Variants in NTF4 observed in about 807,000 individuals in gnomAD.
NTF4 encodes neurotrophin-4.
Under a neutral mutation model 4.4 loss-of-function variants are expected in NTF4, and 2 were observed. The observed-to-expected ratio is 0.46, with a 90% confidence interval of 0.19 to 1.44. The LOEUF is 1.44. Ranked by LOEUF, NTF4 falls within the 40% of genes most tolerant of loss-of-function variation. The probability of loss-of-function intolerance (pLI) is 0.26; values close to 1 mark genes in which losing one functional copy is unlikely to be tolerated. For synonymous variants in NTF4, 127 were observed against 122.0 expected (o/e 1.04, Z -0.27); for missense variants, 260 against 293.0 (o/e 0.89, Z 0.82).
At position 49,061,106 on chromosome 19, in the gene NTF4, G is replaced by T; in HGVS notation, c.*259C>A. On this transcript the variant is annotated 3_prime_UTR_variant, in exon 1 of 1. Coordinates refer to ENST00000593537, the Ensembl canonical transcript of NTF4. The surrounding 1 kb of genome is among the most constrained non-coding windows in gnomAD (Gnocchi z 4.9). ...CTGAGGAGTTATGTATTAGGGATAA[G>T]AAACAGTAAACACTCAGTAAATAGT... The T allele has an allele frequency of 1.7e-6, 1 of 598,854 alleles. No individual in the cohort carries two copies. The highest frequency in any genetic ancestry group is 3.1e-5 in the East Asian group (1 of 32,184). The allele number at this position is 598,854 out of a possible 1,614,324, so 37.1% of individuals were successfully genotyped here.
At chr19:49,059,195 G>C (rs1054095392), downstream of NTF4, among the ~76,000 whole-genome samples, 1 of 152,138 alleles carries the variant, frequency 6.6e-6, no homozygotes, top group Non-Finnish European at 1.5e-5. Context: ...GCCCACCTCG[G>C]GGTAACGATT....
chr19:49,058,608 C>T, downstream of NTF4: 1 of 429,380 alleles, frequency 2.3e-6, no homozygotes, highest in South Asian at 5.7e-5. Flanking sequence ...TAGGGTCTGC[C>T]CACCTGCACC....
In NTF4 at chr19:49,061,850, T is replaced by G. The variant is rs1392036041; in HGVS notation, c.148A>C (p.Arg50=). 3.9e-6 allele frequency: 6 copies of G among 1,546,532 alleles called. No homozygotes were observed. The highest frequency in any genetic ancestry group is 3.9e-5 in the Admixed American group (2 of 50,748). The change falls in exon 1 of 1, where the codon AGG becomes CGG. Residue 50 remains arginine, a synonymous_variant. Transcript: ENST00000593537. The surrounding 1 kb of genome is among the most constrained non-coding windows in gnomAD (Gnocchi z 4.9). ...AGAGGGGGCCCAGCAGGGGCACCCCTAGACAGGACTACTCGGGGGGAGAGA... is the reference window on the plus strand; with the variant it reads ...AGAGGGGGCCCAGCAGGGGCACCCCGAGACAGGACTACTCGGGGGGAGAGA...
At position 49,061,441 on chromosome 19, in the gene NTF4, C is replaced by T. The variant is rs779336456; in HGVS notation, c.557G>A (p.Gly186Asp). 1.2e-6 allele frequency: 2 copies of T among 1,614,040 alleles called. No homozygotes were observed. The highest frequency in any genetic ancestry group is 1.7e-6 in the Non-Finnish European group (2 of 1,179,984). Reference sequence around the variant, plus strand: ...TCGAATCCATCGCCAGCCCACACGGCCCTGGGCATCAGCGGTCAATGCCCG... The same window carrying T: ...TCGAATCCATCGCCAGCCCACACGGTCCTGGGCATCAGCGGTCAATGCCCG... The change falls in exon 1 of 1, where the codon GGC becomes GAC. Residue 186 changes from glycine to aspartate, a missense_variant. Physicochemically the swap from Gly to Asp is moderately conservative, Grantham distance 94. Coordinates refer to ENST00000593537, the Ensembl canonical transcript of NTF4. The surrounding 1 kb of genome is among the most constrained non-coding windows in gnomAD (Gnocchi z 4.9).
At chr19:49,059,016 G>T (rs1316291355), downstream of NTF4, among the ~76,000 whole-genome samples, 1 of 152,108 alleles carries the variant, frequency 6.6e-6, no homozygotes, top group Admixed American at 6.5e-5. Context: ...CAGAGACCCA[G>T]GGGGTGGGGG....
At chr19:49,058,526 G>T, downstream of NTF4, 1 of 530,188 alleles carries the variant, frequency 1.9e-6, no homozygotes, top group South Asian at 2.8e-5. Context: ...CTTCAGAGAG[G>T]AGTCCAAGCT....
chr19:49,059,906 G>C (rs944098151), downstream of NTF4, among the ~76,000 whole-genome samples: 1 of 151,512 alleles, frequency 6.6e-6, no homozygotes, highest in African/African-American at 2.4e-5. Flanking sequence ...AAAAGTAGCC[G>C]GGCGTGGTGG....
upstream of NTF4, chr19:49,062,008 A>C (rs1402715286): frequency 2.1e-6 from 3 of 1,448,582 alleles, no homozygotes; most frequent in Admixed American, 2.7e-5. Context: ...CTCTCGGAGC[A>C]CCTGGAGACA....
At chr19:49,058,291 G>A (rs1379302075), downstream of NTF4, 5 of 1,513,740 alleles carry the variant, frequency 3.3e-6, no homozygotes, top group Middle Eastern at 2.3e-4. Context: ...CTCGTCGAAA[G>A]CCCAGATGCG....
chr19:49,059,040 G>T (rs1400159389), downstream of NTF4, among the ~76,000 whole-genome samples: 5 of 152,136 alleles, frequency 3.3e-5, no homozygotes, highest in Non-Finnish European at 7.3e-5. Context: ...CAGAGACACA[G>T]AAAGAAGGAC....
downstream of NTF4, chr19:49,058,662 C>G: frequency 3.3e-6 from 1 of 301,302 alleles, no homozygotes; most frequent in Non-Finnish European, 6.2e-6. Flanking sequence ...CCATGGGTAA[C>G]GTAGCTGCTG....
chr19:49,058,688 G>T, downstream of NTF4: 1 of 244,982 alleles, frequency 4.1e-6, no homozygotes, highest in South Asian at 1.3e-4. Flanking sequence ...ATGCCAGTTG[G>T]GCCAGGATTC....
chr19:49,064,857 C>G (rs968218750), upstream of NTF4: 8 of 152,552 alleles, frequency 5.2e-5, no homozygotes, highest in Admixed American at 5.2e-4. Flanking sequence ...TCCGCCAAGC[C>G]CCGCCCCGGT....
chr19:49,061,143 TTA>T lies in NTF4; in HGVS notation c.*220_*221del. On this transcript the variant is annotated 3_prime_UTR_variant, in exon 1 of 1. Transcript: ENST00000593537. The surrounding 1 kb of genome is among the most constrained non-coding windows in gnomAD (Gnocchi z 4.9). ...ACTCAGTAAATAGTGGCTATTATTA[TTA>T]TATCATCATCATTATTACCCTCAAG... is the stretch of plus-strand genomic sequence containing the variant. The T allele has an allele frequency of 2.8e-6, 2 of 707,738 alleles. No homozygotes were observed. The highest frequency in any genetic ancestry group is 1.8e-5 in the African/African-American group (1 of 55,926). The allele number at this position is 707,738 out of a possible 1,614,324, so 43.8% of individuals were successfully genotyped here. A position where few individuals can be genotyped will look rare whatever the true frequency, so the allele number is the denominator to read the frequency against.
At chr19:49,064,530 G>C (rs1014809480), upstream of NTF4, 8 of 156,208 alleles carry the variant, frequency 5.1e-5, no homozygotes, top group African/African-American at 2.0e-4. Flanking sequence ...CTCAGACCCA[G>C]GAGGAGTCCA....
downstream of NTF4, chr19:49,058,478 G>A (rs553321028): frequency 5.7e-4 from 339 of 594,368 alleles, 3 homozygotes; most frequent in African/African-American, 5.8e-3. Context: ...ATTCCCTGGC[G>A]CCTCCTCTCT....
upstream of NTF4, chr19:49,062,077 G>T (rs141178481): frequency 4.2e-5 from 59 of 1,418,562 alleles, no homozygotes; most frequent in East Asian, 1.4e-3. Context: ...AAAGAAGTTG[G>T]GAACCCCAGG....
upstream of NTF4, chr19:49,062,119 C>A: frequency 7.8e-7 from 1 of 1,274,238 alleles, no homozygotes; most frequent in South Asian, 1.8e-5. Context: ...GTGGGGAAGC[C>A]CTTGTTCTAG....
In NTF4 at chr19:49,061,735, G is replaced by A. The variant is rs61732310; in HGVS notation, c.263C>T (p.Ala88Val). ...CACAGCCAGCTCACCCCGACGACTC[G>A]CTGGTGCAGTTTCGCTCACCCCACG... Residue 88 changes from alanine (A) to valine (V), a missense_variant, in exon 1 of 1, where the codon GCG becomes GTG. By Grantham distance (64) the Ala-to-Val change is moderately conservative. Coordinates refer to ENST00000593537, the Ensembl canonical transcript of NTF4. This position sits in a 1 kb window ranked among gnomAD's most constrained non-coding sequence, Gnocchi z 4.9. 5,384 of 1,611,310 alleles carry A rather than the reference G, an allele frequency of 3.3e-3. 41 individuals carry two copies. Among genetic ancestry groups the A allele is most frequent in the South Asian group, 0.018 (1,623 of 90,828 alleles).
Sources: allele counts gnomAD v4.1 joint callset (sites outside exome capture counted in the v4.1 genomes callset), GRCh38; gene constraint gnomAD v4.1.1; non-coding constraint Gnocchi (gnomAD v3.1); transcripts MANE v1.5; gene names NCBI Gene and HGNC (gene_info 2026-07-23, HGNC 2026-07-21).